TMEM132B: variants seen among roughly 807,000 people sequenced by gnomAD.
TMEM132B encodes transmembrane protein 132B.
In TMEM132B, 18 loss-of-function variants were observed where a neutral mutation model predicts 90.8. The observed-to-expected ratio is 0.20, with a 90% CI of 0.14 to 0.29. The LOEUF (loss-of-function observed/expected upper bound fraction) is 0.29, where lower values mean the gene tolerates loss of function less well. TMEM132B is among the 10% of genes least tolerant of loss of function. The pLI, the probability that TMEM132B is intolerant of heterozygous loss-of-function variation, is 1.00. For synonymous variants in TMEM132B, 504 were observed against 523.3 expected, an observed-to-expected ratio of 0.96 and a Z score of 0.50; for missense variants, 1,096 against 1,326.8, an observed-to-expected ratio of 0.83 and a Z score of 2.70.
At chr12:125,589,835 GCCCCA>G (rs1206326350) in intron 5 of TMEM132B, among the ~76,000 whole-genome samples, 1 of 151,980 alleles carries the variant, frequency 6.6e-6, no homozygotes, top group Non-Finnish European at 1.5e-5. Context: ...CTTCCACCAG[GCCCCA>G]CCTCCAACAT....
intron 4 of TMEM132B, among the ~76,000 whole-genome samples, chr12:125,522,720 C>T (rs111629150): frequency 3.3e-4 from 50 of 152,228 alleles, no homozygotes; most frequent in African/African-American, 1.1e-3. Context: ...AGTGGGACAC[C>T]GAGGAAGCCA....
Position 125,349,636 on chromosome 12 carries a change from G to A in TMEM132B, c.252G>A (p.Arg84=), listed in dbSNP as rs2032693534. The A allele has an allele frequency of 6.2e-7, 1 of 1,614,106 alleles. No homozygotes were observed. Among genetic ancestry groups the A allele is most frequent in the Non-Finnish European group, 8.5e-7 (1 of 1,180,026 alleles). ...AGCCATTCTTCATCTACCGAGCCAG[G>A]ACACCCCCTATTATCAATGCCAGCT... is the stretch of plus-strand genomic sequence containing the variant. The part of the protein sequence containing the change: ...RVEPFFIYRA[R]TPPIINASYG... Residue 84 remains arginine, a synonymous_variant, in exon 2 of 9, where the codon AGG becomes AGA. Transcript: ENST00000682704. The surrounding 1 kb of genome is among the most constrained non-coding windows in gnomAD (Gnocchi z 4.1).
At chr12:125,224,560 T>C (rs922646261) in intron 1 of TMEM132B, among the ~76,000 whole-genome samples, 4 of 152,244 alleles carry the variant, frequency 2.6e-5, no homozygotes, top group African/African-American at 9.6e-5. Context: ...GCAGGACTTC[T>C]TGTGCTTCCT....
intron 3 of TMEM132B, among the ~76,000 whole-genome samples, chr12:125,448,088 A>G (rs967440624): frequency 5.3e-5 from 8 of 152,090 alleles, no homozygotes; most frequent in African/African-American, 1.9e-4. Context: ...AAAAGGTGAA[A>G]CCCCATCTCT....
At position 125,606,314 on chromosome 12, in the gene TMEM132B, C is replaced by CT. The variant is rs368313402; in HGVS notation, c.1437+22337dup. On this transcript the variant is annotated intron_variant, in intron 5 of 8. Coordinates refer to ENST00000682704, the MANE Select transcript of TMEM132B (RefSeq NM_001366854.1). The stretch of plus-strand genomic sequence containing the variant: ...AGCAGGGCAAGGACTGATTTCTTTC[C>CT]TTTTTTTTTTTTTTTTTGCTCATGC... Among the ~76,000 whole-genome samples, 553 of 129,576 alleles carry CT rather than the reference C, an allele frequency of 4.3e-3. 3 individuals carry two copies. Among genetic ancestry groups the CT allele is most frequent in the African/African-American group, 9.8e-3 (343 of 35,086 alleles). 85.0% of individuals were successfully genotyped at this position (129,576 alleles called of 152,430 possible). A position where few individuals can be genotyped will look rare whatever the true frequency, so the allele number is the denominator to read the frequency against.
At chr12:125,428,623 T>G (rs1880404307) in intron 3 of TMEM132B, among the ~76,000 whole-genome samples, 1 of 152,188 alleles carries the variant, frequency 6.6e-6, no homozygotes, top group Non-Finnish European at 1.5e-5. Context: ...TTCTCCATGA[T>G]TTGAAAGTAT....
intron 2 of TMEM132B, among the ~76,000 whole-genome samples, chr12:125,377,782 G>T (rs1878539482): frequency 6.6e-6 from 1 of 152,052 alleles, no homozygotes; most frequent in Admixed American, 6.6e-5. Flanking sequence ...TCTCTTTCTA[G>T]AGCCTGCAAC....
intron 1 of TMEM132B, among the ~76,000 whole-genome samples, chr12:125,249,107 G>A (rs1874263834): frequency 6.6e-6 from 1 of 152,172 alleles, no homozygotes. Context: ...GGTAAGACTT[G>A]TGCTAATTTT....
At chr12:125,527,288 A>C (rs1592975448) in intron 4 of TMEM132B, among the ~76,000 whole-genome samples, 2 of 73,010 alleles carry the variant, frequency 2.7e-5, no homozygotes, top group Admixed American at 1.5e-4. Context: ...CCACCCATCC[A>C]CCCTTCCATC....
At chr12:125,274,060 C>CT (rs959201977) in intron 1 of TMEM132B, among the ~76,000 whole-genome samples, 52 of 152,292 alleles carry the variant, frequency 3.4e-4, no homozygotes, top group Middle Eastern at 3.4e-3. Context: ...TTCGTCATTC[C>CT]TTTGCTGCTC....
rs1385317445 is a variant in TMEM132B, at chr12:125,186,451, G to A, written c.-349G>A. 6.8e-6 allele frequency among the ~76,000 whole-genome samples: 1 copy of A among 146,776 alleles called. No homozygotes were observed. Among genetic ancestry groups the A allele is most frequent in the African/African-American group, 2.4e-5 (1 of 40,900 alleles). ...GGCAGAGGCGGCGGCGGCGGCGGCGGCGCGACCGGGATGGGACGGGCGCTG... is the reference window on the plus strand; with the variant it reads ...GGCAGAGGCGGCGGCGGCGGCGGCGACGCGACCGGGATGGGACGGGCGCTG... On this transcript the variant is annotated 5_prime_UTR_variant, in exon 1 of 9. Transcript: ENST00000682704. The surrounding 1 kb of genome is among the most constrained non-coding windows in gnomAD (Gnocchi z 6.3).
At chr12:125,363,118 T>G (rs395489) in intron 2 of TMEM132B, among the ~76,000 whole-genome samples, 1 of 152,102 alleles carries the variant, frequency 6.6e-6, no homozygotes, top group African/African-American at 2.4e-5. Context: ...GGCTCAGAGC[T>G]TGGAGCCTGG....
intron 1 of TMEM132B, among the ~76,000 whole-genome samples, chr12:125,268,966 C>A (rs899400887): frequency 3.3e-5 from 5 of 152,162 alleles, no homozygotes; most frequent in Admixed American, 6.5e-5. Flanking sequence ...ATCTTAGAGG[C>A]TGTTCAGAAG....
At chr12:125,357,977 C>T (rs1877835118) in intron 2 of TMEM132B, among the ~76,000 whole-genome samples, 1 of 152,208 alleles carries the variant, frequency 6.6e-6, no homozygotes, top group African/African-American at 2.4e-5. Context: ...TGGGTGCGTT[C>T]TCCCGGTGCC....
chr12:125,502,659 A>G (rs1882731175), intron 3 of TMEM132B, among the ~76,000 whole-genome samples: 1 of 152,248 alleles, frequency 6.6e-6, no homozygotes, highest in African/African-American at 2.4e-5. Flanking sequence ...ATGATTGAAT[A>G]GTTGCCTTAT....
chr12:125,245,036 T>C (rs1593054029), intron 1 of TMEM132B, among the ~76,000 whole-genome samples: 1 of 152,320 alleles, frequency 6.6e-6, no homozygotes, highest in East Asian at 1.9e-4. Flanking sequence ...TGCTAGTTTT[T>C]CCACTTAAAA....
At chr12:125,454,409 T>TGTGTGC (rs1881238634) in intron 3 of TMEM132B, among the ~76,000 whole-genome samples, 1 of 151,988 alleles carries the variant, frequency 6.6e-6, no homozygotes, top group African/African-American at 2.4e-5. Context: ...TGTGTGTGTG[T>TGTGTGC]GTGTGTGTGT....
chr12:125,260,769 G>A (rs1296201039), intron 1 of TMEM132B, among the ~76,000 whole-genome samples: 9 of 152,126 alleles, frequency 5.9e-5, no homozygotes, highest in Non-Finnish European at 1.0e-4. Flanking sequence ...ATAAATAAAG[G>A]CTGGGCATAG....
intron 1 of TMEM132B, among the ~76,000 whole-genome samples, chr12:125,271,599 G>C (rs1565988761): frequency 6.6e-6 from 1 of 152,146 alleles, no homozygotes; most frequent in Non-Finnish European, 1.5e-5. Context: ...CACCTCTGGT[G>C]CTCTCTCTGA....
Sources: allele counts gnomAD v4.1 joint callset (sites outside exome capture counted in the v4.1 genomes callset), GRCh38; gene constraint gnomAD v4.1.1; non-coding constraint Gnocchi (gnomAD v3.1); transcripts MANE v1.5; gene names NCBI Gene and HGNC (gene_info 2026-07-23, HGNC 2026-07-21).